KCNMB2: variants seen among roughly 807,000 people sequenced by gnomAD.
KCNMB2 encodes the protein potassium calcium-activated channel subfamily M regulatory beta subunit 2, also known as calcium-activated potassium channel subunit beta-2.
A neutral mutation model predicts 24.5 loss-of-function variants in KCNMB2; 9 were observed. The ratio of observed to expected loss-of-function variants is 0.37; its 90% CI spans 0.22 to 0.64. The LOEUF (loss-of-function observed/expected upper bound fraction) is 0.64, where lower values mean the gene tolerates loss of function less well. Among genes scored for constraint, KCNMB2 ranks in the 30% least tolerant of loss-of-function variants. KCNMB2 has a pLI of 0.63. For synonymous variants in KCNMB2, 109 were observed against 104.4 expected, an observed-to-expected ratio of 1.04 and a Z score of -0.27; for missense variants, 226 against 284.3, an observed-to-expected ratio of 0.79 and a Z score of 1.47.
intron 1 of KCNMB2, among the ~76,000 whole-genome samples, chr3:178,589,506 T>C (rs1392067582): frequency 6.6e-6 from 1 of 152,056 alleles, no homozygotes; most frequent in East Asian, 1.9e-4. Flanking sequence ...TGAGATAAGG[T>C]CTTGATCTTT....
intron 1 of KCNMB2, among the ~76,000 whole-genome samples, chr3:178,685,432 A>C (rs535356916): frequency 7.2e-5 from 11 of 152,320 alleles, no homozygotes; most frequent in Admixed American, 2.6e-4. Context: ...CTGTTGTCTT[A>C]TAACATTAAG....
chr3:178,577,022 T>C (rs1441834062), intron 1 of KCNMB2, among the ~76,000 whole-genome samples: 1 of 152,012 alleles, frequency 6.6e-6, no homozygotes, highest in African/African-American at 2.4e-5. Context: ...CTCAAGTGGG[T>C]CCCTGACCCC....
intron 1 of KCNMB2, among the ~76,000 whole-genome samples, chr3:178,587,374 A>G (rs534734184): frequency 6.6e-6 from 1 of 152,308 alleles, no homozygotes; most frequent in South Asian, 2.1e-4. Flanking sequence ...CTAGAGTCCA[A>G]GGACCTTTGT....
At chr3:178,577,050 AGACACCTCCCAGCAGGTT>A (rs1717020340) in intron 1 of KCNMB2, among the ~76,000 whole-genome samples, 8 of 152,098 alleles carry the variant, frequency 5.3e-5, no homozygotes, top group Admixed American at 5.2e-4. Context: ...CCTGACTGGG[AGACACCTCCCAGCAGGTT>A]GACACCTCCC....
In KCNMB2 at chr3:178,806,884, C is replaced by T. The variant is rs997680975; in HGVS notation, c.-67-459C>T. Among the ~76,000 whole-genome samples the T allele has an allele frequency of 2.6e-5, 4 of 151,890 alleles. No individual in the cohort carries two copies. The South Asian group carries it at 6.2e-4, about 24-fold the overall frequency. On this transcript the variant is annotated intron_variant, in intron 1 of 4. Transcript: ENST00000452583. ...AAAAGTGGGGCACAGTTAAAGATGACGTTTCATCACCAACATGTCACACTT... is the reference window on the plus strand; with the variant it reads ...AAAAGTGGGGCACAGTTAAAGATGATGTTTCATCACCAACATGTCACACTT...
At chr3:178,759,526 T>C (rs1711610482) in intron 1 of KCNMB2, among the ~76,000 whole-genome samples, 1 of 126,972 alleles carries the variant, frequency 7.9e-6, no homozygotes, top group African/African-American at 3.1e-5. Flanking sequence ...CAAGAGGATA[T>C]ATATACATAT....
intron 2 of KCNMB2, among the ~76,000 whole-genome samples, chr3:178,814,364 C>T (rs116550222): frequency 0.045 from 6,820 of 152,232 alleles, 265 homozygotes; most frequent in Admixed American, 0.12. Context: ...ATATGTACCA[C>T]ATTTGATGAA....
At position 178,623,551 on chromosome 3, in the gene KCNMB2, C is replaced by T. The variant is rs1458200221; in HGVS notation, c.-68+86840C>T. ...TTGATATTCTAGTCTGGTTCCAGTT[C>T]AGTGAATCAGTGACAGGTTCAAAGT... On this transcript the variant is annotated intron_variant, in intron 1 of 4. Transcript: ENST00000452583. 2.0e-5 allele frequency among the ~76,000 whole-genome samples: 3 copies of T among 152,090 alleles called. No individual in the cohort carries two copies. In the East Asian group the frequency reaches 5.8e-4, roughly 29 times the overall value.
intron 1 of KCNMB2, among the ~76,000 whole-genome samples, chr3:178,781,875 G>T (rs1232187179): frequency 6.8e-6 from 1 of 147,106 alleles, no homozygotes; most frequent in African/African-American, 2.5e-5. Context: ...GTGCCATGCT[G>T]GTGCGCTGCA....
At chr3:178,577,226 A>G (rs1386449568) in intron 1 of KCNMB2, among the ~76,000 whole-genome samples, 4 of 152,198 alleles carry the variant, frequency 2.6e-5, no homozygotes, top group African/African-American at 9.6e-5. Flanking sequence ...CCAGGCAAAC[A>G]GGGTCTGGAG....
intron 1 of KCNMB2, among the ~76,000 whole-genome samples, chr3:178,702,827 C>G (rs1262658870): frequency 6.6e-6 from 1 of 152,186 alleles, no homozygotes; most frequent in Non-Finnish European, 1.5e-5. Context: ...CTAAAAGCAT[C>G]TAGTCCCACT....
chr3:178,603,810 C>T (rs896497678), intron 1 of KCNMB2, among the ~76,000 whole-genome samples: 3 of 152,166 alleles, frequency 2.0e-5, no homozygotes, highest in South Asian at 2.1e-4. Context: ...TAAGCACCTT[C>T]ATTCTGTGTT....
intron 1 of KCNMB2, among the ~76,000 whole-genome samples, chr3:178,553,044 T>C (rs1716010029): frequency 6.6e-6 from 1 of 152,102 alleles, no homozygotes; most frequent in Non-Finnish European, 1.5e-5. Flanking sequence ...TTGTCACTGC[T>C]TGTCAACATG....
chr3:178,618,485 C>T (rs776476448), intron 1 of KCNMB2, among the ~76,000 whole-genome samples: 13 of 152,196 alleles, frequency 8.5e-5, no homozygotes, highest in African/African-American at 1.2e-4. Context: ...GCAAGAGCTT[C>T]GTTCTTGCAT....
intron 2 of KCNMB2, among the ~76,000 whole-genome samples, chr3:178,808,350 A>G (rs557952073): frequency 1.3e-5 from 2 of 152,334 alleles, no homozygotes; most frequent in South Asian, 2.1e-4. Flanking sequence ...GCATATTGCA[A>G]TGTAAGCAAG....
At chr3:178,834,017 A>C (rs1223684891) in intron 4 of KCNMB2, among the ~76,000 whole-genome samples, 2 of 152,196 alleles carry the variant, frequency 1.3e-5, no homozygotes, top group Admixed American at 6.5e-5. Context: ...CATCTCCTTC[A>C]GGAGTTTAAA....
chr3:178,810,480 G>A (rs544552495), intron 2 of KCNMB2, among the ~76,000 whole-genome samples: 27 of 152,158 alleles, frequency 1.8e-4, no homozygotes, highest in African/African-American at 6.5e-4. Flanking sequence ...AGGGCAGGCA[G>A]AGAAACTTCA....
chr3:178,824,516 C>T lies in KCNMB2; in HGVS notation c.57-1072C>T, dbSNP rs541445246. 9.8e-4 allele frequency: 151 copies of T among 154,610 alleles called. 1 individual carries two copies. Among genetic ancestry groups the T allele is most frequent in the African/African-American group, 3.4e-3 (140 of 40,636 alleles). 9.6% of individuals were successfully genotyped at this position (154,610 alleles called of 1,614,324 possible). A position where few individuals can be genotyped will look rare whatever the true frequency, so the allele number is the denominator to read the frequency against. The stretch of plus-strand genomic sequence containing the variant: ...CCGAGTAGCTGGGACTACAGGCGCC[C>T]GCCACCACGCCCGGCTAATTTTTTG... On this transcript the variant is annotated intron_variant, in intron 2 of 4. Coordinates refer to ENST00000452583, the MANE Select transcript of KCNMB2 (RefSeq NM_181361.3).
intron 1 of KCNMB2, among the ~76,000 whole-genome samples, chr3:178,657,054 A>T (rs750115487): frequency 5.5e-4 from 83 of 152,172 alleles, no homozygotes; most frequent in Non-Finnish European, 9.1e-4. Context: ...TCTGTCTCTC[A>T]GTACCTCAGT....
Sources: allele counts gnomAD v4.1 joint callset (sites outside exome capture counted in the v4.1 genomes callset), GRCh38; gene constraint gnomAD v4.1.1; transcripts MANE v1.5; gene names NCBI Gene and HGNC (gene_info 2026-07-23, HGNC 2026-07-21).